Variants in GRHL2 observed in about 807,000 individuals in gnomAD.
GRHL2 encodes grainyhead-like protein 2 homolog.
Under a neutral mutation model 83.8 loss-of-function variants are expected in GRHL2, and 21 were observed. The ratio of observed to expected loss-of-function variants is 0.25; its 90% CI spans 0.18 to 0.36. The LOEUF is 0.36. Among genes scored for constraint, GRHL2 ranks in the 10% least tolerant of loss-of-function variants. The pLI, the probability that GRHL2 is intolerant of heterozygous loss-of-function variation, is 1.00. For synonymous variants in GRHL2, 280 were observed against 278.9 expected (o/e 1.00, Z -0.04); for missense variants, 623 against 781.8 (o/e 0.80, Z 2.42).
chr8:101,618,192 G>A (rs775930477), intron 8 of GRHL2, among the ~76,000 whole-genome samples: 1 of 152,002 alleles, frequency 6.6e-6, no homozygotes, highest in East Asian at 1.9e-4. Context: ...ACTCTTAAAT[G>A]GTATCAATGG....
intron 12 of GRHL2, among the ~76,000 whole-genome samples, chr8:101,641,853 T>C (rs948252982): frequency 6.6e-5 from 10 of 152,314 alleles, no homozygotes; most frequent in South Asian, 4.1e-4. Flanking sequence ...AATGGCATAG[T>C]ATTTGTCTAT....
chr8:101,577,188 T>A (rs943892428), intron 6 of GRHL2, among the ~76,000 whole-genome samples: 6 of 152,094 alleles, frequency 3.9e-5, no homozygotes, highest in Non-Finnish European at 8.8e-5. Flanking sequence ...ACTCTTTTTT[T>A]TTTCCTTCAT....
rs577429383 is a variant in GRHL2, at chr8:101,509,642, A to G, written c.20+16853A>G. On this transcript the variant is annotated intron_variant, in intron 1 of 15. Transcript: ENST00000646743. ...CTCTTATGGTTAGCCTTTTAGATAT[A>G]TATATATTTTTTCCTCTACAAATCT... 1.6e-4 allele frequency among the ~76,000 whole-genome samples: 25 copies of G among 152,256 alleles called. No individual in the cohort carries two copies. The South Asian group carries it at 5.0e-3, about 30-fold the overall frequency.
intron 7 of GRHL2, among the ~76,000 whole-genome samples, chr8:101,581,904 T>C (rs1812060732): frequency 6.6e-6 from 1 of 152,200 alleles, no homozygotes; most frequent in African/African-American, 2.4e-5. Context: ...CTGCAAGTTG[T>C]GCAATAGCAC....
At chr8:101,605,191 G>A (rs915471039) in intron 8 of GRHL2, among the ~76,000 whole-genome samples, 1 of 152,184 alleles carries the variant, frequency 6.6e-6, no homozygotes, top group South Asian at 2.1e-4. Flanking sequence ...TTGGAGGTGG[G>A]CAGGGCTGAG....
chr8:101,516,657 T>C (rs1306077155), intron 1 of GRHL2, among the ~76,000 whole-genome samples: 2 of 152,196 alleles, frequency 1.3e-5, no homozygotes, highest in East Asian at 1.9e-4. Context: ...TCCTCCTGTC[T>C]TGGCCTCCCA....
chr8:101,545,883 T>A (rs982758862), intron 2 of GRHL2, among the ~76,000 whole-genome samples: 2 of 122,698 alleles, frequency 1.6e-5, no homozygotes, highest in Non-Finnish European at 1.6e-5. Flanking sequence ...TTTTTTTTTT[T>A]TTTTTTTTTT....
intron 11 of GRHL2, among the ~76,000 whole-genome samples, chr8:101,633,231 G>GA (rs979190965): frequency 2.0e-5 from 3 of 151,990 alleles, no homozygotes; most frequent in African/African-American, 4.8e-5. Flanking sequence ...TGTGAAAAAA[G>GA]AAAAAATAAT....
chr8:101,592,186 C>T (rs1009974826), intron 7 of GRHL2, among the ~76,000 whole-genome samples: 6 of 133,610 alleles, frequency 4.5e-5, no homozygotes, highest in Non-Finnish European at 6.2e-5. Context: ...CTCACTGCAA[C>T]CTCCGCCTCC....
At chr8:101,496,978 A>C (rs1321457864) in intron 1 of GRHL2, among the ~76,000 whole-genome samples, 2 of 152,292 alleles carry the variant, frequency 1.3e-5, no homozygotes, top group East Asian at 3.9e-4. Context: ...ACAGTTGCAC[A>C]CTCAAAACAG....
chr8:101,656,906 A>ACAC (rs1435483352), intron 14 of GRHL2, among the ~76,000 whole-genome samples: 3 of 149,656 alleles, frequency 2.0e-5, no homozygotes, highest in Non-Finnish European at 4.5e-5. Flanking sequence ...ACACACACAC[A>ACAC]GGCAATGACC....
chr8:101,610,551 A>C (rs1421248348), intron 8 of GRHL2, among the ~76,000 whole-genome samples: 7 of 150,906 alleles, frequency 4.6e-5, no homozygotes, highest in African/African-American at 1.7e-4. Context: ...AAGGAGAGAG[A>C]TAATGTTGAC....
chr8:101,534,138 C>T (rs992768756), intron 1 of GRHL2, among the ~76,000 whole-genome samples: 1 of 152,190 alleles, frequency 6.6e-6, no homozygotes, highest in African/African-American at 2.4e-5. Context: ...GTGTAACATA[C>T]TATCTCAAAA....
chr8:101,554,117 G>A (rs1384015637), intron 3 of GRHL2, among the ~76,000 whole-genome samples: 1 of 152,140 alleles, frequency 6.6e-6, no homozygotes, highest in Non-Finnish European at 1.5e-5. Context: ...TCTGTGATTA[G>A]CAGCAGGGGC....
At position 101,649,512 on chromosome 8, in the gene GRHL2, C is replaced by T. The variant is rs1449848999; in HGVS notation, c.1698+13C>T. 4 of 1,599,376 alleles carry T rather than the reference C, an allele frequency of 2.5e-6. No homozygotes were observed. Among genetic ancestry groups the T allele is most frequent in the Admixed American group, 3.3e-5 (2 of 59,924 alleles). ...CCTGATGGAAGCGGTAAGCCATATA[C>T]TCCTTTCAGCCTCCAGGAAACCTGC... On this transcript the variant is annotated intron_variant, in intron 14 of 15. Coordinates refer to ENST00000646743, the MANE Select transcript of GRHL2 (RefSeq NM_024915.4).
Position 101,668,012 on chromosome 8 carries a change from G to GT in GRHL2, c.*1313dup, listed in dbSNP as rs1239243738. ...TGTTTGCCTCACTCCTGGATGCTGC[G>GT]TTTTAAGGAAGTGAGTGAGAAAGAA... On this transcript the variant is annotated 3_prime_UTR_variant, in exon 16 of 16. Transcript: ENST00000646743. The GT allele has an allele frequency of 1.3e-5, 2 of 152,576 alleles. No homozygotes were observed. Among genetic ancestry groups the GT allele is most frequent in the Admixed American group, 1.3e-4 (2 of 15,288 alleles). 9.5% of individuals were successfully genotyped at this position (152,576 alleles called of 1,614,324 possible).
chr8:101,512,534 G>A (rs1045532842), intron 1 of GRHL2, among the ~76,000 whole-genome samples: 1 of 152,100 alleles, frequency 6.6e-6, no homozygotes, highest in Non-Finnish European at 1.5e-5. Flanking sequence ...GAGTGCGGTG[G>A]CATGATCTCA....
At chr8:101,590,256 A>T (rs560300665) in intron 7 of GRHL2, among the ~76,000 whole-genome samples, 13 of 152,338 alleles carry the variant, frequency 8.5e-5, no homozygotes, top group Middle Eastern at 6.8e-3. Flanking sequence ...TAATGAACTC[A>T]TAAGTGAGTT....
At chr8:101,664,316 T>G in intron 14 of GRHL2, 138 bp from the exon 15 acceptor site, 1 of 672,312 alleles carries the variant, frequency 1.5e-6, no homozygotes, top group Non-Finnish European at 2.7e-6. Context: ...TAAATGAGTG[T>G]TTTGAGAGTT....
Sources: gnomAD v4.1 joint callset for allele counts (sites outside exome capture counted in the v4.1 genomes callset) on GRCh38, gnomAD v4.1.1 for gene constraint, MANE v1.5 for transcripts, NCBI Gene and HGNC (gene_info 2026-07-23, HGNC 2026-07-21) for gene names.